The following CTNND1 variants were observed in gnomAD, a reference collection of about 807,000 sequenced individuals.
The protein encoded by CTNND1 is catenin delta-1.
Under a neutral mutation model 112.1 loss-of-function variants are expected in CTNND1, and 16 were observed. The observed-to-expected ratio is 0.14, with a 90% CI of 0.10 to 0.22. The LOEUF is 0.22. Ranked by LOEUF, CTNND1 falls within the 10% of genes least tolerant of loss-of-function variation. CTNND1 has a pLI of 1.00. For synonymous variants in CTNND1, 420 were observed against 446.5 expected (o/e 0.94, Z 0.75); for missense variants, 1,008 against 1,257.0 (o/e 0.80, Z 3.00).
chr11:57,780,195 A>G (rs1048785197), intron 1 of CTNND1, among the ~76,000 whole-genome samples: 24 of 152,014 alleles, frequency 1.6e-4, no homozygotes, highest in African/African-American at 5.6e-4. Context: ...CTGGAACTAC[A>G]GGCACATGCC....
intron 18 of CTNND1, among the ~76,000 whole-genome samples, 163 bp downstream of exon 18, chr11:57,814,536 A>G (rs528793231): frequency 2.0e-5 from 3 of 152,216 alleles, no homozygotes; most frequent in South Asian, 4.1e-4. Context: ...ATTTAATAAA[A>G]TCTGATCCGT....
chr11:57,784,491 T>C (rs1282499143), intron 1 of CTNND1, among the ~76,000 whole-genome samples: 1 of 151,808 alleles, frequency 6.6e-6, no homozygotes, highest in Non-Finnish European at 1.5e-5. Flanking sequence ...GAGCATAAAT[T>C]TGTGACACTC....
intron 1 of CTNND1, among the ~76,000 whole-genome samples, chr11:57,786,396 G>T (rs951524809): frequency 2.0e-5 from 3 of 151,932 alleles, no homozygotes; most frequent in Non-Finnish European, 4.4e-5. Context: ...AGCCCGGTGT[G>T]GTGTCATGCA....
At chr11:57,775,828 A>G (rs761125471) in intron 1 of CTNND1, among the ~76,000 whole-genome samples, 13 of 152,122 alleles carry the variant, frequency 8.5e-5, no homozygotes, top group East Asian at 1.9e-4. Context: ...CTTACTTGAA[A>G]CATGTAGATG....
At chr11:57,801,596 A>G in intron 6 of CTNND1, 137 bp from the exon 7 acceptor site, 1 of 678,900 alleles carries the variant, frequency 1.5e-6, no homozygotes, top group Non-Finnish European at 2.5e-6. Flanking sequence ...TCAGTATATT[A>G]TTCATGCAAA....
Position 57,810,199 on chromosome 11 carries a change from A to T in CTNND1, c.2526A>T (p.Glu842Asp), listed in dbSNP as rs539361096. The change falls in exon 16 of 21, where the codon GAA (glutamate) becomes GAT (aspartate). Residue 842 changes from glutamate (E) to aspartate (D), a missense_variant. Glu to Asp is a conservative substitution (Grantham distance 45, BLOSUM62 2). This residue lies in a region of CTNND1 where 28 missense variants were observed against 60.6 expected (regional missense o/e 0.46). Transcript: ENST00000399050. ...AACTGCGGAAGCCACTGGAAAAAGAAGGATGGAAGAAATCAGACTTTCAGG... is the reference window on the plus strand; with the variant it reads ...AACTGCGGAAGCCACTGGAAAAAGATGGATGGAAGAAATCAGACTTTCAGG... ...YKELRKPLEK[E>D]GWKKSDFQVN... 2 of 1,610,138 alleles carry T rather than the reference A, an allele frequency of 1.2e-6. No homozygotes were observed. The highest frequency in any genetic ancestry group is 2.2e-5 in the South Asian group (2 of 90,358).
chr11:57,809,600 G>C (rs915670331), intron 15 of CTNND1, 134 bp downstream of exon 15: 2 of 717,954 alleles, frequency 2.8e-6, no homozygotes, highest in East Asian at 2.7e-5. Context: ...TCTATTATCT[G>C]TCTTAATGTT....
intron 1 of CTNND1, among the ~76,000 whole-genome samples, chr11:57,767,367 C>G (rs919760689): frequency 1.3e-5 from 2 of 152,216 alleles, no homozygotes; most frequent in Non-Finnish European, 1.5e-5. Context: ...GACAAAAGCA[C>G]TTCTCAACTT....
Position 57,809,354 on chromosome 11 carries a change from G to T in CTNND1, c.2323G>T (p.Val775Phe), listed in dbSNP as rs1489747379. ...NSSWNFSEDT[V>F]ISILNTINEV... ...CTCTTGGAATTTCTCTGAGGACACT[G>T]TCATCTCTATTTTGAACACTATCAA... Residue 775 changes from valine (V) to phenylalanine (F), a missense_variant, in exon 15 of 21, where the codon GTC becomes TTC. This residue lies in a region of CTNND1 where 254 missense variants were observed against 279.5 expected (regional missense o/e 0.91). Transcript: ENST00000399050. The T allele has an allele frequency of 6.2e-7, 1 of 1,614,014 alleles. No individual in the cohort carries two copies. The highest frequency in any genetic ancestry group is 2.2e-5 in the East Asian group (1 of 44,890).
At position 57,817,546 on chromosome 11, in the gene CTNND1, T is replaced by G. The variant is rs2064046911; in HGVS notation, c.*1238T>G. On this transcript the variant is annotated 3_prime_UTR_variant, in exon 21 of 21. Transcript: ENST00000399050. ...AAGTGACCGAGAGAACCTCAGATTC[T>G]TCATTGAGGATTGGTATAGCCATGA... 2 of 152,680 alleles carry G rather than the reference T, an allele frequency of 1.3e-5. No individual in the cohort carries two copies. Among genetic ancestry groups the G allele is most frequent in the Non-Finnish European group, 2.9e-5 (2 of 68,052 alleles). The allele number at this position is 152,680 out of a possible 1,614,324, so 9.5% of individuals were successfully genotyped here.
chr11:57,763,290 C>T (rs559092931), intron 1 of CTNND1, among the ~76,000 whole-genome samples: 207 of 151,922 alleles, frequency 1.4e-3, no homozygotes, highest in African/African-American at 4.5e-3. Context: ...AATGTGAATC[C>T]GCCTGAAAAT....
intron 12 of CTNND1, 141 bp from the exon 13 acceptor site, chr11:57,808,024 A>T: frequency 2.5e-6 from 2 of 792,266 alleles, no homozygotes; most frequent in Non-Finnish European, 3.8e-6. Flanking sequence ...TGCTGTAGAG[A>T]GTGTGAGAGA....
intron 19 of CTNND1, 189 bp from the exon 20 acceptor site, chr11:57,815,726 A>G: frequency 1.3e-6 from 1 of 776,596 alleles, no homozygotes; most frequent in Non-Finnish European, 2.3e-6. Context: ...TGATATGACT[A>G]ACACTAACTG....
At chr11:57,808,884 G>A (rs77116030) in intron 14 of CTNND1, among the ~76,000 whole-genome samples, 121 of 152,314 alleles carry the variant, frequency 7.9e-4, no homozygotes, top group African/African-American at 2.8e-3. Context: ...TGGAAGTTAA[G>A]TAAATTGCCC....
At chr11:57,782,901 T>G (rs1376792853) in intron 1 of CTNND1, among the ~76,000 whole-genome samples, 2 of 152,230 alleles carry the variant, frequency 1.3e-5, no homozygotes, top group African/African-American at 4.8e-5. Flanking sequence ...CTTTTAATCT[T>G]AACGCAAATC....
Position 57,796,750 on chromosome 11 carries a change from G to A in CTNND1, c.714G>A (p.Glu238=). 2 of 1,613,742 alleles carry A rather than the reference G, an allele frequency of 1.2e-6. No individual in the cohort carries two copies. The highest frequency in any genetic ancestry group is 1.7e-6 in the Non-Finnish European group (2 of 1,179,718). ...YGSLSRVTRI[E]ERYRPSMEGY... ...GTCTGTCCCGGGTGACCCGCATTGA[G>A]GAGCGGTATAGGCCCAGCATGGAAG... The change falls in exon 6 of 21, where the codon GAG becomes GAA. Residue 238 remains glutamate (E), a synonymous_variant. Transcript: ENST00000399050.
intron 1 of CTNND1, among the ~76,000 whole-genome samples, chr11:57,773,493 C>G (rs1336821586): frequency 6.6e-6 from 1 of 151,204 alleles, no homozygotes; most frequent in Admixed American, 6.6e-5. Flanking sequence ...CTCTTGTTGC[C>G]CAGGCTGGAG....
intron 1 of CTNND1, among the ~76,000 whole-genome samples, chr11:57,767,926 C>T (rs1951522244): frequency 6.6e-6 from 1 of 151,752 alleles, no homozygotes; most frequent in African/African-American, 2.4e-5. Context: ...CTCTGCCTCC[C>T]GGGTTCAAGC....
Position 57,816,371 on chromosome 11 carries a change from TG to T in CTNND1, c.*64del. 6.2e-7 allele frequency: 1 copy of T among 1,602,534 alleles called. No individual in the cohort carries two copies. The highest frequency in any genetic ancestry group is 8.5e-7 in the Non-Finnish European group (1 of 1,170,476). On this transcript the variant is annotated 3_prime_UTR_variant, in exon 21 of 21. Coordinates refer to ENST00000399050, the MANE Select transcript of CTNND1 (RefSeq NM_001085458.2). ...TTTATTTTTTGGTGGTGAAATTGAC[TG>T]ATGATTTTCCTTTTTCTTCGCTGGA...
Sources: gnomAD v4.1 joint callset for allele counts (sites outside exome capture counted in the v4.1 genomes callset) on GRCh38, gnomAD v4.1.1 for gene constraint, gnomAD v4.1.1 regional missense constraint, MANE v1.5 for transcripts, NCBI Gene and HGNC (gene_info 2026-07-23, HGNC 2026-07-21) for gene names.